The following BTF3L4 variants were observed in gnomAD, a reference collection of about 807,000 sequenced individuals.
BTF3L4 encodes transcription factor BTF3 homolog 4.
BTF3L4 carries 6 observed loss-of-function variants against 16.8 expected under a neutral mutation model. The observed-to-expected ratio is 0.36, with a 90% confidence interval of 0.20 to 0.71. The LOEUF is 0.71. Among genes scored for constraint, BTF3L4 ranks in the 30% least tolerant of loss-of-function variants. BTF3L4 has a pLI of 0.58. For missense variants in BTF3L4, 92 were observed against 186.9 expected, an observed-to-expected ratio of 0.49 and a Z score of 2.96; for synonymous variants, 39 against 59.8, an observed-to-expected ratio of 0.65 and a Z score of 1.60.
In BTF3L4 at chr1:52,069,911, C is replaced by T. The variant is rs77184350; in HGVS notation, c.168+4973C>T. Reference sequence around the variant, plus strand: ...CCCCTTCCAGAGCTTAATTGGTGTCCTCTTCAGAAACTTTAAAAACTAAGG... The same window carrying T: ...CCCCTTCCAGAGCTTAATTGGTGTCTTCTTCAGAAACTTTAAAAACTAAGG... On this transcript the variant is annotated intron_variant, in intron 3 of 5. Coordinates refer to ENST00000313334, the MANE Select transcript of BTF3L4 (RefSeq NM_152265.5). Among the ~76,000 whole-genome samples, 1,382 of 152,098 alleles carry T rather than the reference C, an allele frequency of 9.1e-3. 13 individuals are homozygous for T. Among genetic ancestry groups the T allele is most frequent in the African/African-American group, 0.029 (1,223 of 41,506 alleles).
intron 1 of BTF3L4, among the ~76,000 whole-genome samples, chr1:52,057,344 T>G (rs1044321902): frequency 6.6e-6 from 1 of 152,334 alleles, no homozygotes. Context: ...ACACCCTTTC[T>G]TGAGTCCTTG....
intron 1 of BTF3L4, among the ~76,000 whole-genome samples, chr1:52,057,210 C>T (rs902036096): frequency 1.3e-5 from 2 of 152,186 alleles, no homozygotes; most frequent in Non-Finnish European, 2.9e-5. Flanking sequence ...TTAGAGAAAC[C>T]CTACATAATA....
At position 52,079,761 on chromosome 1, in the gene BTF3L4, A is replaced by G. The variant is rs552772938; in HGVS notation, c.169-3579A>G. ...GTAGCCAATAAGATACATTTTATCT[A>G]TATACCTGTGTTGTTTTTCTTTTGT... On this transcript the variant is annotated intron_variant, in intron 3 of 5. Transcript: ENST00000313334. Among the ~76,000 whole-genome samples the G allele has an allele frequency of 5.9e-5, 9 of 152,088 alleles. No individual in the cohort carries two copies. The South Asian group carries it at 1.7e-3, about 28-fold the overall frequency.
At chr1:52,074,536 T>G (rs951001130) in intron 3 of BTF3L4, among the ~76,000 whole-genome samples, 1 of 152,092 alleles carries the variant, frequency 6.6e-6, no homozygotes, top group Non-Finnish European at 1.5e-5. Context: ...GCTAATTTTG[T>G]ATTTTTAGTA....
At chr1:52,084,162 T>C (rs1450372062) in intron 4 of BTF3L4, among the ~76,000 whole-genome samples, 2 of 152,146 alleles carry the variant, frequency 1.3e-5, no homozygotes, top group African/African-American at 4.8e-5. Context: ...TTTTGAGACA[T>C]AAAGTCTTGC....
At chr1:52,077,228 C>T (rs1686955889) in intron 3 of BTF3L4, among the ~76,000 whole-genome samples, 1 of 152,102 alleles carries the variant, frequency 6.6e-6, no homozygotes, top group Admixed American at 6.6e-5. Context: ...CATTTAAGTG[C>T]CATTACATGT....
chr1:52,070,026 G>T (rs1011127075), intron 3 of BTF3L4, among the ~76,000 whole-genome samples: 1 of 152,062 alleles, frequency 6.6e-6, no homozygotes, highest in African/African-American at 2.4e-5. Flanking sequence ...AGACCAGCCT[G>T]GCCAACATGG....
intron 3 of BTF3L4, among the ~76,000 whole-genome samples, chr1:52,070,506 C>T (rs1262278844): frequency 6.7e-6 from 1 of 148,520 alleles, no homozygotes; most frequent in East Asian, 2.0e-4. Flanking sequence ...TTTCAGTGAG[C>T]CCAGATCATG....
intron 3 of BTF3L4, among the ~76,000 whole-genome samples, chr1:52,078,061 T>C (rs1686975119): frequency 6.6e-6 from 1 of 151,904 alleles, no homozygotes; most frequent in Non-Finnish European, 1.5e-5. Context: ...GGTCTGACAA[T>C]ATCCTTTTTT....
At chr1:52,071,633 T>TA (rs1405311611) in intron 3 of BTF3L4, among the ~76,000 whole-genome samples, 1 of 152,198 alleles carries the variant, frequency 6.6e-6, no homozygotes, top group Non-Finnish European at 1.5e-5. Context: ...AGAGAAAGCT[T>TA]AAGGCTGGGA....
intron 1 of BTF3L4, among the ~76,000 whole-genome samples, chr1:52,057,165 C>T (rs1395822764): frequency 6.6e-6 from 1 of 152,224 alleles, no homozygotes; most frequent in Non-Finnish European, 1.5e-5. Context: ...ACTGGTAGAA[C>T]CTTGGTCTTT....
chr1:52,057,072 A>G (rs1355714568), intron 1 of BTF3L4, among the ~76,000 whole-genome samples: 6 of 152,172 alleles, frequency 3.9e-5, no homozygotes, highest in Non-Finnish European at 8.8e-5. Context: ...TTAACCCTCA[A>G]AACAACCCTG....
intron 3 of BTF3L4, among the ~76,000 whole-genome samples, chr1:52,069,526 G>T (rs1686733089): frequency 6.6e-6 from 1 of 152,024 alleles, no homozygotes; most frequent in African/African-American, 2.4e-5. Flanking sequence ...TTAAAACTTT[G>T]TTATTTTTAC....
chr1:52,067,534 T>C (rs1247144241), intron 3 of BTF3L4, among the ~76,000 whole-genome samples: 1 of 152,214 alleles, frequency 6.6e-6, no homozygotes, highest in Non-Finnish European at 1.5e-5. Context: ...TATTGAAAGC[T>C]TTTATATATT....
intron 5 of BTF3L4, 22 bp from the exon 6 acceptor site, chr1:52,086,690 A>G (rs780366751): frequency 2.0e-6 from 3 of 1,489,890 alleles, no homozygotes; most frequent in Admixed American, 1.8e-5. Context: ...TTTGATTCAT[A>G]TACTTTGTTT....
At chr1:52,079,430 G>A (rs78842843) in intron 3 of BTF3L4, among the ~76,000 whole-genome samples, 7,881 of 150,248 alleles carry the variant, frequency 0.052, 218 homozygotes, top group South Asian at 0.069. Flanking sequence ...TTACCTTCTA[G>A]TATTTCTCTA....
At chr1:52,076,909 T>C (rs939761929) in intron 3 of BTF3L4, among the ~76,000 whole-genome samples, 11 of 152,276 alleles carry the variant, frequency 7.2e-5, no homozygotes, top group African/African-American at 2.4e-4. Context: ...TGGTGACTTG[T>C]GTTTGTAATC....
At chr1:52,061,315 C>T (rs1686501620) in intron 2 of BTF3L4, among the ~76,000 whole-genome samples, 1 of 151,796 alleles carries the variant, frequency 6.6e-6, no homozygotes, top group South Asian at 2.1e-4. Flanking sequence ...ATGGTGAAAC[C>T]CTGTCTCCAC....
At chr1:52,078,698 T>G (rs1686992914) in intron 3 of BTF3L4, among the ~76,000 whole-genome samples, 1 of 152,174 alleles carries the variant, frequency 6.6e-6, no homozygotes, top group East Asian at 1.9e-4. Context: ...ACACTAGGAA[T>G]GAGAGGACAA....
Sources: gnomAD v4.1 joint callset for allele counts (sites outside exome capture counted in the v4.1 genomes callset) on GRCh38, gnomAD v4.1.1 for gene constraint, MANE v1.5 for transcripts, NCBI Gene and HGNC (gene_info 2026-07-23, HGNC 2026-07-21) for gene names.